Variants in BCAR3 observed in about 807,000 individuals in gnomAD.
BCAR3 encodes the protein breast cancer anti-estrogen resistance protein 3.
BCAR3 carries 37 observed loss-of-function variants against 80.1 expected under a neutral mutation model. That is an observed-to-expected ratio of 0.46 (90% confidence interval 0.36 to 0.61). The LOEUF (loss-of-function observed/expected upper bound fraction) is 0.61. Ranked by LOEUF, BCAR3 falls within the 20% of genes least tolerant of loss-of-function variation. The probability of loss-of-function intolerance (pLI) is 0.00; values close to 1 mark genes in which losing one functional copy is unlikely to be tolerated. For missense variants in BCAR3, 978 were observed against 1,068.2 expected, an observed-to-expected ratio of 0.92 and a Z score of 1.18; for synonymous variants, 389 against 418.9, an observed-to-expected ratio of 0.93 and a Z score of 0.87.
chr1:93,794,414 CTTCT>C (rs1653206524), intron 2 of BCAR3, among the ~76,000 whole-genome samples: 1 of 11,746 alleles, frequency 8.5e-5, no homozygotes, highest in Non-Finnish European at 1.3e-4. Context: ...ATGTAATGGC[CTTCT>C]TTGTCTCTTT....
At chr1:93,610,996 T>A (rs910355911) in intron 3 of BCAR3, among the ~76,000 whole-genome samples, 1 of 152,054 alleles carries the variant, frequency 6.6e-6, no homozygotes, top group African/African-American at 2.4e-5. Context: ...ACGAAATGAT[T>A]CTGGGCGGGC....
chr1:93,736,061 C>T (rs942972997), intron 2 of BCAR3, among the ~76,000 whole-genome samples: 8 of 151,828 alleles, frequency 5.3e-5, no homozygotes, highest in African/African-American at 1.7e-4. Flanking sequence ...AAACAGACAG[C>T]GTGGTAGGAA....
rs149505982 is a variant in BCAR3 at position 93,672,924 on chromosome 1, T to A, written c.317+1690A>T. Among the ~76,000 whole-genome samples, 260 of 152,302 alleles carry A rather than the reference T, an allele frequency of 1.7e-3. 3 individuals are homozygous for A. Among genetic ancestry groups the A allele is most frequent in the Non-Finnish European group, 3.1e-3 (212 of 68,034 alleles). On this transcript the variant is annotated intron_variant, in intron 2 of 11. Transcript: ENST00000260502. The stretch of plus-strand genomic sequence containing the variant: ...CTTTGCACCAACACCAACACTGTTC[T>A]CCTCTCAATGTGCTACACTCCAGCC...
At chr1:93,576,839 A>G (rs145713237) in intron 7 of BCAR3, among the ~76,000 whole-genome samples, 453 of 152,340 alleles carry the variant, frequency 3.0e-3, no homozygotes, top group Non-Finnish European at 3.6e-3. Flanking sequence ...AAGTGTTACA[A>G]CTGAGCCAGT....
intron 3 of BCAR3, among the ~76,000 whole-genome samples, chr1:93,640,759 A>C (rs1675951395): frequency 1.3e-5 from 2 of 152,262 alleles, no homozygotes; most frequent in Admixed American, 1.3e-4. Flanking sequence ...TTGAGAATGC[A>C]CTACCAAATT....
intron 3 of BCAR3, among the ~76,000 whole-genome samples, chr1:93,695,869 C>T (rs967754291): frequency 5.9e-5 from 9 of 152,130 alleles, no homozygotes; most frequent in South Asian, 2.1e-4. Flanking sequence ...TCTGAGACAC[C>T]GTTTTCTCCT....
At chr1:93,709,630 T>A (rs1649949101) in intron 2 of BCAR3, among the ~76,000 whole-genome samples, 1 of 152,210 alleles carries the variant, frequency 6.6e-6, no homozygotes, top group African/African-American at 2.4e-5. Flanking sequence ...CCCCCTTGAT[T>A]GTCCTTGGAA....
In BCAR3 at chr1:93,693,681, A is replaced by G. The variant is rs111269290; in HGVS notation, c.-12+12411T>C. Among the ~76,000 whole-genome samples, 144 of 152,362 alleles carry G rather than the reference A, an allele frequency of 9.5e-4. 2 individuals carry two copies. Among genetic ancestry groups the G allele is most frequent in the African/African-American group, 3.2e-3 (133 of 41,594 alleles). ...CTTTAAAACACTTTATACAAAAATAATATTATACTGTTACCACCTTGGTAA... is the reference window on the plus strand; with the variant it reads ...CTTTAAAACACTTTATACAAAAATAGTATTATACTGTTACCACCTTGGTAA... On this transcript the variant is annotated intron_variant, in intron 3 of 13. Coordinates refer to the BCAR3 transcript ENST00000370244.
chr1:93,760,871 G>A (rs4847184), intron 2 of BCAR3, among the ~76,000 whole-genome samples: 60,344 of 151,958 alleles, frequency 0.4, 13,240 homozygotes, highest in Non-Finnish European at 0.49. Flanking sequence ...AGGAATAGAG[G>A]TCTCTGATTG....
intron 7 of BCAR3, among the ~76,000 whole-genome samples, chr1:93,576,520 G>A (rs559589035): frequency 4.1e-4 from 62 of 152,366 alleles, no homozygotes; most frequent in African/African-American, 1.4e-3. Flanking sequence ...ATCCCCTGCA[G>A]TGGAAGAGCA....
intron 2 of BCAR3, among the ~76,000 whole-genome samples, chr1:93,784,596 C>T (rs1487861650): frequency 6.6e-6 from 1 of 152,230 alleles, no homozygotes; most frequent in Non-Finnish European, 1.5e-5. Flanking sequence ...ACTGTCCTTT[C>T]TGTGCAGGCT....
intron 2 of BCAR3, among the ~76,000 whole-genome samples, chr1:93,734,417 T>C (rs767595133): frequency 2.0e-5 from 3 of 152,120 alleles, no homozygotes; most frequent in Non-Finnish European, 2.9e-5. Flanking sequence ...AAGGAAATGG[T>C]GGGACTGCAA....
Position 93,756,837 on chromosome 1 carries a change from T to C in BCAR3, c.-62-50695A>G, listed in dbSNP as rs117459911. On this transcript the variant is annotated intron_variant, in intron 2 of 13. Transcript: ENST00000370244. ...CACTCAGAGAGTCTCATGGCTTTGATGACTAGTCCCTGGCATTCCTATGGC... is the reference window on the plus strand; with the variant it reads ...CACTCAGAGAGTCTCATGGCTTTGACGACTAGTCCCTGGCATTCCTATGGC... Among the ~76,000 whole-genome samples the C allele has an allele frequency of 5.7e-4, 87 of 152,360 alleles. No homozygotes were observed. In the East Asian group the frequency reaches 0.017, roughly 29 times the overall value.
chr1:93,746,057 C>A (rs1462202351), intron 2 of BCAR3, among the ~76,000 whole-genome samples: 2 of 152,212 alleles, frequency 1.3e-5, no homozygotes, highest in Non-Finnish European at 2.9e-5. Context: ...CTGCAACTTG[C>A]ACGAAAAATT....
rs568174866 is a variant in BCAR3 at position 93,699,602 on chromosome 1, TCCAG to T, written c.-12+6486_-12+6489del. On this transcript the variant is annotated intron_variant, in intron 3 of 13. Transcript: ENST00000370244. ...CCGGCCCCATGTCTTGTTTTTAAAC[TCCAG>T]CAAGGAAGAATCTTCTTTCCCTCCA... Among the ~76,000 whole-genome samples the T allele has an allele frequency of 4.3e-4, 66 of 152,194 alleles. No homozygotes were observed. In the East Asian group the frequency reaches 0.013, roughly 29 times the overall value.
At chr1:93,800,151 A>T (rs1017552361) in intron 2 of BCAR3, among the ~76,000 whole-genome samples, 8 of 152,090 alleles carry the variant, frequency 5.3e-5, no homozygotes, top group Non-Finnish European at 8.8e-5. Flanking sequence ...GCTTCCTGTT[A>T]TTGTTTAATA....
intron 3 of BCAR3, among the ~76,000 whole-genome samples, chr1:93,640,864 G>A (rs752272780): frequency 1.2e-4 from 18 of 152,228 alleles, no homozygotes; most frequent in African/African-American, 4.3e-4. Context: ...ACTGGCCCGT[G>A]GTAGGAGATA....
chr1:93,832,115 C>T (rs567661189), intron 2 of BCAR3, among the ~76,000 whole-genome samples: 2 of 152,298 alleles, frequency 1.3e-5, no homozygotes, highest in African/African-American at 4.8e-5. Flanking sequence ...AATTAGATTC[C>T]GGCCCTCAAA....
chr1:93,686,905 A>G (rs1648994164), intron 3 of BCAR3, among the ~76,000 whole-genome samples: 1 of 152,228 alleles, frequency 6.6e-6, no homozygotes, highest in African/African-American at 2.4e-5. Context: ...CACAAACTAA[A>G]TAACCAGATG....
Sources: allele counts gnomAD v4.1 joint callset (sites outside exome capture counted in the v4.1 genomes callset), GRCh38; gene constraint gnomAD v4.1.1; transcripts MANE v1.5; gene names NCBI Gene and HGNC (gene_info 2026-07-23, HGNC 2026-07-21).